Variants in PCDHGA7 observed in about 807,000 individuals in gnomAD.
The protein encoded by PCDHGA7 is protocadherin gamma-A7.
In PCDHGA7, 44 loss-of-function variants were observed where a neutral mutation model predicts 58.3. The observed-to-expected ratio is 0.75, with a 90% CI of 0.59 to 0.97. PCDHGA7 has a LOEUF of 0.97. Ranked by LOEUF, PCDHGA7 falls within the 50% of genes least tolerant of loss-of-function variation. The probability of loss-of-function intolerance (pLI) is 0.00; values close to 1 mark genes in which losing one functional copy is unlikely to be tolerated. For missense variants in PCDHGA7, 1,266 were observed against 1,188.7 expected (o/e 1.06, Z -0.96); for synonymous variants, 516 against 504.2 (o/e 1.02, Z -0.31).
intron 1 of PCDHGA7, among the ~76,000 whole-genome samples, chr5:141,445,892 T>C (rs2154561169): frequency 6.6e-6 from 1 of 152,346 alleles, no homozygotes; most frequent in African/African-American, 2.4e-5. Context: ...TTAGGAGCTA[T>C]TAAAATATTT....
chr5:141,492,552 T>A (rs1444534113), intron 1 of PCDHGA7, among the ~76,000 whole-genome samples: 1 of 152,084 alleles, frequency 6.6e-6, no homozygotes, highest in African/African-American at 2.4e-5. Context: ...CCGGGTCGCC[T>A]GGGGGGCGGC....
chr5:141,395,290 T>G, intron 1 of PCDHGA7: 1 of 1,529,838 alleles, frequency 6.5e-7, no homozygotes, highest in Non-Finnish European at 8.8e-7. Context: ...TTATTTGGCA[T>G]AAATTATGTT....
intron 1 of PCDHGA7, among the ~76,000 whole-genome samples, chr5:141,467,051 T>G (rs988417775): frequency 6.6e-6 from 1 of 151,462 alleles, no homozygotes; most frequent in Non-Finnish European, 1.5e-5. Context: ...TGAATCAATG[T>G]TTTCTTTTTT....
Position 141,477,354 on chromosome 5 carries a change from C to T in PCDHGA7, c.2425-17453C>T, listed in dbSNP as rs1164062950. On this transcript the variant is annotated intron_variant, in intron 1 of 3. Coordinates refer to ENST00000518325, the MANE Select transcript of PCDHGA7 (RefSeq NM_018920.4). This position sits in a 1 kb window ranked among gnomAD's most constrained non-coding sequence, Gnocchi z 4.9. ...AATTACTTCACTTTGAAAACCAGTG[C>T]AGACCTGGATCGGGAGACTGTGCCA... 14 of 1,614,202 alleles carry T rather than the reference C, an allele frequency of 8.7e-6. No homozygotes were observed. The highest frequency in any genetic ancestry group is 1.1e-5 in the Non-Finnish European group (13 of 1,180,036).
At chr5:141,447,675 C>T (rs1416110491) in intron 1 of PCDHGA7, among the ~76,000 whole-genome samples, 13 of 152,064 alleles carry the variant, frequency 8.5e-5, no homozygotes, top group Admixed American at 8.5e-4. Context: ...TAGAACTGTT[C>T]CATATCTTGA....
intron 1 of PCDHGA7, chr5:141,398,834 A>T: frequency 6.2e-7 from 1 of 1,614,014 alleles, no homozygotes; most frequent in Non-Finnish European, 8.5e-7. Context: ...ACCGACGCCA[A>T]TGATAATCCC....
rs200045647 is a variant in PCDHGA7, at chr5:141,490,150, G to A, written c.2425-4657G>A. 50 of 1,614,246 alleles carry A rather than the reference G, an allele frequency of 3.1e-5. No individual in the cohort carries two copies. The Admixed American group carries it at 7.7e-4, about 25-fold the overall frequency. On this transcript the variant is annotated intron_variant, in intron 1 of 3. Transcript: ENST00000518325. The surrounding 1 kb of genome is among the most constrained non-coding windows in gnomAD (Gnocchi z 5.4). ...AGACCCTAGCAGTGGGGCAATCCAT[G>A]TGTTGGGTCCCATAGACTTTGAGGA...
intron 1 of PCDHGA7, chr5:141,421,518 TGA>T: frequency 6.2e-7 from 1 of 1,614,058 alleles, no homozygotes; most frequent in Non-Finnish European, 8.5e-7. Flanking sequence ...AGGAGCTCTG[TGA>T]GACGGTGTCC....
chr5:141,485,239 C>T lies in PCDHGA7; in HGVS notation c.2425-9568C>T. ...GGGCTACCCTTTTGTTCCTCTTTTA[C>T]CACCTGGGTTACGTTTGTGGGCAGA... On this transcript the variant is annotated intron_variant, in intron 1 of 3. Transcript: ENST00000518325. This position sits in a 1 kb window ranked among gnomAD's most constrained non-coding sequence, Gnocchi z 5.7. The T allele has an allele frequency of 6.2e-7, 1 of 1,614,140 alleles. No homozygotes were observed. Among genetic ancestry groups the T allele is most frequent in the South Asian group, 1.1e-5 (1 of 91,072 alleles).
Position 141,477,350 on chromosome 5 carries a change from A to G in PCDHGA7, c.2425-17457A>G. The G allele has an allele frequency of 6.2e-7, 1 of 1,614,142 alleles. No individual in the cohort carries two copies. Among genetic ancestry groups the G allele is most frequent in the Non-Finnish European group, 8.5e-7 (1 of 1,180,016 alleles). On this transcript the variant is annotated intron_variant, in intron 1 of 3. Transcript: ENST00000518325. The surrounding 1 kb of genome is among the most constrained non-coding windows in gnomAD (Gnocchi z 4.9). ...CAAGAATTACTTCACTTTGAAAACC[A>G]GTGCAGACCTGGATCGGGAGACTGT...
rs953428261 is a variant in PCDHGA7, at chr5:141,430,262, T to C, written c.2424+44939T>C. On this transcript the variant is annotated intron_variant, in intron 1 of 3. Coordinates refer to ENST00000518325, the MANE Select transcript of PCDHGA7 (RefSeq NM_018920.4). ...AACTCCTAGGGAGACATCTCCATAA[T>C]AGGTGTGTTGGGGGAACAGTAATCT... Among the ~76,000 whole-genome samples the C allele has an allele frequency of 2.6e-5, 4 of 151,892 alleles. No homozygotes were observed. The East Asian group carries it at 5.8e-4, about 22-fold the overall frequency.
chr5:141,432,692 G>A lies in PCDHGA7; in HGVS notation c.2424+47369G>A. The A allele has an allele frequency of 6.2e-7, 1 of 1,613,964 alleles. No homozygotes were observed. Among genetic ancestry groups the A allele is most frequent in the Non-Finnish European group, 8.5e-7 (1 of 1,179,978 alleles). On this transcript the variant is annotated intron_variant, in intron 1 of 3. Transcript: ENST00000518325. The surrounding 1 kb of genome is among the most constrained non-coding windows in gnomAD (Gnocchi z 6.0). ...CGCGCTCAAGCAGAGCCTCGTAGTG[G>A]CCGTCCAGGACCACGGCCAGCCCCC...
chr5:141,481,729 G>A (rs757464454), intron 1 of PCDHGA7, among the ~76,000 whole-genome samples: 6 of 151,966 alleles, frequency 3.9e-5, no homozygotes, highest in Admixed American at 1.3e-4. Flanking sequence ...GGAGGCGGGC[G>A]GATCACGAGG....
intron 1 of PCDHGA7, among the ~76,000 whole-genome samples, chr5:141,450,008 T>A (rs78952430): frequency 4.8e-4 from 18 of 37,340 alleles, no homozygotes; most frequent in African/African-American, 6.8e-4. Context: ...CCATGTCTCT[T>A]TTTTTTTTTT....
At chr5:141,427,965 C>G in intron 1 of PCDHGA7, 1 of 1,590,342 alleles carries the variant, frequency 6.3e-7, no homozygotes, top group Non-Finnish European at 8.6e-7. Flanking sequence ...GCCGCGGGTG[C>G]TGTACCCCGC....
intron 1 of PCDHGA7, among the ~76,000 whole-genome samples, chr5:141,437,777 C>T (rs998490046): frequency 2.0e-5 from 3 of 148,970 alleles, no homozygotes; most frequent in Admixed American, 6.7e-5. Context: ...CTCAATCTGT[C>T]GCCAAGCTGG....
intron 1 of PCDHGA7, chr5:141,413,667 G>A: frequency 6.2e-7 from 1 of 1,613,836 alleles, no homozygotes; most frequent in Non-Finnish European, 8.5e-7. Flanking sequence ...CTATTGATCC[G>A]GATGTGGGCG....
rs1416755901 is a variant in PCDHGA7 at position 141,489,721 on chromosome 5, G to C, written c.2425-5086G>C. The C allele has an allele frequency of 6.2e-7, 1 of 1,614,016 alleles. No homozygotes were observed. The highest frequency in any genetic ancestry group is 8.5e-7 in the Non-Finnish European group (1 of 1,179,966). On this transcript the variant is annotated intron_variant, in intron 1 of 3. Coordinates refer to ENST00000518325, the MANE Select transcript of PCDHGA7 (RefSeq NM_018920.4). The surrounding 1 kb of genome is among the most constrained non-coding windows in gnomAD (Gnocchi z 4.5). ...CCCACTGGACAGTGCCCAGGATCCGGATGTGGGCACCAATACTGTGAGCTT... is the reference window on the plus strand; with the variant it reads ...CCCACTGGACAGTGCCCAGGATCCGCATGTGGGCACCAATACTGTGAGCTT...
rs1001719735 is a variant in PCDHGA7 at position 141,512,055 on chromosome 5, TGAC to T, written c.*883_*885del. 10 of 152,698 alleles carry T rather than the reference TGAC, an allele frequency of 6.5e-5. No homozygotes were observed. The highest frequency in any genetic ancestry group is 1.4e-4 in the African/African-American group (6 of 41,450). 9.5% of individuals were successfully genotyped at this position (152,698 alleles called of 1,614,324 possible). On this transcript the variant is annotated 3_prime_UTR_variant, in exon 4 of 4. Coordinates refer to ENST00000518325, the MANE Select transcript of PCDHGA7 (RefSeq NM_018920.4). ...GAGGCTCTGTATGTCCTCAGGGGACTGACAACATCCTCCAGATTCCAGCCATAA... is the reference window on the plus strand; with the variant it reads ...GAGGCTCTGTATGTCCTCAGGGGACTAACATCCTCCAGATTCCAGCCATAA...
Sources: gnomAD v4.1 joint callset for allele counts (sites outside exome capture counted in the v4.1 genomes callset) on GRCh38, gnomAD v4.1.1 for gene constraint, Gnocchi (gnomAD v3.1) non-coding constraint, MANE v1.5 for transcripts, NCBI Gene and HGNC (gene_info 2026-07-23, HGNC 2026-07-21) for gene names.